The following TTLL13 variants were observed in gnomAD, a reference collection of about 807,000 sequenced individuals.
The protein encoded by TTLL13 is tubulin tyrosine ligase like 13, also known as tubulin polyglutamylase TTLL13.
chr15:90,253,249 T>G, the TTLL13 span: 1 of 1,613,312 alleles, frequency 6.2e-7, no homozygotes, highest in Non-Finnish European at 8.5e-7. Flanking sequence ...GTCTCTGCAG[T>G]GCGTCGGGCA....
At chr15:90,251,207 G>T in the TTLL13 span, among the ~76,000 whole-genome samples, 1 of 144,002 alleles carries the variant, frequency 6.9e-6, no homozygotes, top group African/African-American at 2.6e-5. Context: ...TCCGCCTCCC[G>T]GGTTCAGGCC....
the TTLL13 span, among the ~76,000 whole-genome samples, chr15:90,252,043 C>CTTTTTTT: frequency 7.5e-6 from 1 of 133,472 alleles, no homozygotes; most frequent in Non-Finnish European, 1.6e-5. Context: ...TCACCTAATT[C>CTTTTTTT]TTTTTTTTTT....
chr15:90,254,910 G>C, the TTLL13 span, among the ~76,000 whole-genome samples: 15 of 152,320 alleles, frequency 9.8e-5, no homozygotes, highest in African/African-American at 3.4e-4. Context: ...AGGGCTTACT[G>C]TACAACAGAC....
the TTLL13 span, chr15:90,263,042 T>C: frequency 5.2e-6 from 8 of 1,536,098 alleles, no homozygotes; most frequent in Admixed American, 2.0e-5. Context: ...ATGAAGGCCC[T>C]GCTACAAAGG....
the TTLL13 span, chr15:90,264,018 G>A: frequency 6.5e-7 from 1 of 1,536,072 alleles, no homozygotes; most frequent in South Asian, 1.2e-5. Flanking sequence ...AGAAGGCTGG[G>A]AGGTGCTATT....
At chr15:90,255,363 A>G in the TTLL13 span, among the ~76,000 whole-genome samples, 1 of 151,998 alleles carries the variant, frequency 6.6e-6, no homozygotes, top group Non-Finnish European at 1.5e-5. Context: ...GTTTCCTTTT[A>G]TCTTTTGTGT....
the TTLL13 span, chr15:90,262,950 C>T: frequency 1.9e-4 from 285 of 1,534,326 alleles, 2 homozygotes; most frequent in African/African-American, 3.7e-3. Context: ...GCATTTATCT[C>T]TCATGTACCT....
the TTLL13 span, among the ~76,000 whole-genome samples, chr15:90,256,545 TTTTCTTTCTTTCTTTCTTTCTTTCTTTC>T: frequency 2.3e-4 from 24 of 105,504 alleles, no homozygotes; most frequent in South Asian, 4.0e-4. Flanking sequence ...TCTCCTTCCT[TTTTCTTTCTTTCTTTCTTTCTTTCTTTC>T]TTTCTTTCTT....
chr15:90,256,610 CTTCCTTCCTTCCTTCCTTCCTTCCT>C, the TTLL13 span, among the ~76,000 whole-genome samples: 1 of 40,418 alleles, frequency 2.5e-5, no homozygotes. Context: ...TCTTTCTTTC[CTTCCTTCCTTCCTTCCTTCCTTCCT>C]TCCTTCTTTC....
the TTLL13 span, among the ~76,000 whole-genome samples, chr15:90,254,103 A>G: frequency 6.6e-6 from 1 of 151,948 alleles, no homozygotes; most frequent in African/African-American, 2.4e-5. Context: ...TCAGGTCAGG[A>G]GTTCACTTGA....
chr15:90,251,114 C>CTTTTTTTTTTTTTTTTT, the TTLL13 span, among the ~76,000 whole-genome samples: 4 of 104,672 alleles, frequency 3.8e-5, no homozygotes, highest in African/African-American at 7.5e-5. Flanking sequence ...CCTGGTCTGT[C>CTTTTTTTTTTTTTTTTT]TTTTTTTTTT....
At chr15:90,258,480 G>A in the TTLL13 span, 1 of 622,340 alleles carries the variant, frequency 1.6e-6, no homozygotes, top group African/African-American at 1.8e-5. Flanking sequence ...CCGTAGGAAT[G>A]CAGGTTTGGG....
At chr15:90,250,908 C>T in the TTLL13 span, 16 of 1,610,008 alleles carry the variant, frequency 9.9e-6, no homozygotes, top group South Asian at 1.7e-4. Flanking sequence ...CCTAGATCCC[C>T]TCAACTGCCC....
chr15:90,256,543 CTT>C, the TTLL13 span, among the ~76,000 whole-genome samples: 2 of 141,096 alleles, frequency 1.4e-5, no homozygotes, highest in African/African-American at 5.2e-5. Flanking sequence ...TGTCTCCTTC[CTT>C]TTTCTTTCTT....
At chr15:90,252,063 G>A in the TTLL13 span, among the ~76,000 whole-genome samples, 2 of 85,200 alleles carry the variant, frequency 2.3e-5, no homozygotes, top group Non-Finnish European at 5.1e-5. Flanking sequence ...TTTTGAGACC[G>A]AGTTTTGCTC....
the TTLL13 span, among the ~76,000 whole-genome samples, chr15:90,253,666 G>C: frequency 7.9e-5 from 12 of 152,280 alleles, no homozygotes; most frequent in Admixed American, 7.2e-4. Flanking sequence ...ATCTTAGGGA[G>C]AATACTGGGA....
the TTLL13 span, chr15:90,262,137 A>G: frequency 2.6e-6 from 4 of 1,535,606 alleles, no homozygotes; most frequent in South Asian, 2.4e-5. Flanking sequence ...TTCAAGCACA[A>G]TGGCTCCCTC....
chr15:90,264,493 A>C, the TTLL13 span, among the ~76,000 whole-genome samples: 1 of 152,202 alleles, frequency 6.6e-6, no homozygotes, highest in Non-Finnish European at 1.5e-5. Flanking sequence ...TCTGTACACT[A>C]GACCCTGGTG....
the TTLL13 span, among the ~76,000 whole-genome samples, chr15:90,253,831 T>G: frequency 2.0e-5 from 3 of 152,246 alleles, no homozygotes; most frequent in African/African-American, 7.2e-5. Context: ...TAGAACTGCC[T>G]TGTGACATTT....
Sources: gnomAD v4.1 joint callset for allele counts (sites outside exome capture counted in the v4.1 genomes callset) on GRCh38, gnomAD v4.1.1 for gene constraint, MANE v1.5 for transcripts, NCBI Gene and HGNC (gene_info 2026-07-23, HGNC 2026-07-21) for gene names.